PDE1C: variants seen among roughly 807,000 people sequenced by gnomAD.
The protein encoded by PDE1C is dual specificity calcium/calmodulin-dependent 3',5'-cyclic nucleotide phosphodiesterase 1C.
Under a neutral mutation model 93.1 loss-of-function variants are expected in PDE1C, and 62 were observed. The observed-to-expected ratio is 0.67, with a 90% CI of 0.54 to 0.82. The LOEUF (loss-of-function observed/expected upper bound fraction) is 0.82. Ranked by LOEUF, PDE1C falls within the 40% of genes least tolerant of loss-of-function variation. The probability of loss-of-function intolerance (pLI) is 0.00; values close to 1 mark genes in which losing one functional copy is unlikely to be tolerated. For missense variants in PDE1C, 742 were observed against 884.6 expected (o/e 0.84, Z 2.04); for synonymous variants, 325 against 310.1 (o/e 1.05, Z -0.50).
chr7:32,016,087 T>A (rs1787868796), intron 2 of PDE1C, among the ~76,000 whole-genome samples: 1 of 152,170 alleles, frequency 6.6e-6, no homozygotes, highest in Non-Finnish European at 1.5e-5. Context: ...GCTCCTTAAT[T>A]TGTATATAGT....
intron 2 of PDE1C, among the ~76,000 whole-genome samples, chr7:31,965,636 A>C (rs1272508720): frequency 2.0e-5 from 3 of 152,176 alleles, no homozygotes; most frequent in Non-Finnish European, 2.9e-5. Context: ...CGAGAAGAGC[A>C]ATTCCAAGAC....
intron 1 of PDE1C, among the ~76,000 whole-genome samples, chr7:32,349,821 G>A (rs1413391726): frequency 3.3e-5 from 5 of 152,078 alleles, no homozygotes; most frequent in Non-Finnish European, 7.4e-5. Context: ...GTAGAGACAG[G>A]GTTTCACCCA....
At chr7:32,394,568 G>A (rs962541217) in intron 1 of PDE1C, among the ~76,000 whole-genome samples, 4 of 152,224 alleles carry the variant, frequency 2.6e-5, no homozygotes, top group Non-Finnish European at 5.9e-5. Flanking sequence ...AGCACTTTGG[G>A]AGGCTGATGC....
At chr7:31,986,878 G>T (rs1783467582) in intron 2 of PDE1C, among the ~76,000 whole-genome samples, 1 of 151,810 alleles carries the variant, frequency 6.6e-6, no homozygotes, top group South Asian at 2.1e-4. Flanking sequence ...AGAGGGGAAG[G>T]TTTTTAGCTG....
intron 1 of PDE1C, among the ~76,000 whole-genome samples, chr7:32,328,658 C>A (rs1783451459): frequency 6.6e-6 from 1 of 152,200 alleles, no homozygotes; most frequent in Non-Finnish European, 1.5e-5. Flanking sequence ...CACTCCACCC[C>A]TTGCTTGCCT....
intron 2 of PDE1C, among the ~76,000 whole-genome samples, chr7:32,208,714 C>A (rs931303535): frequency 6.6e-6 from 1 of 151,762 alleles, no homozygotes; most frequent in Admixed American, 6.6e-5. Context: ...TAGTATTTTC[C>A]CCCCCCTTCT....
the PDE1C span, among the ~76,000 whole-genome samples, chr7:31,718,084 T>C: frequency 1.3e-5 from 2 of 152,102 alleles, no homozygotes; most frequent in African/African-American, 2.4e-5. Context: ...TTCTGGAGAA[T>C]ATTAATACAG....
chr7:31,661,679 CT>C, the PDE1C span, among the ~76,000 whole-genome samples: 1 of 152,204 alleles, frequency 6.6e-6, no homozygotes, highest in African/African-American at 2.4e-5. Context: ...CACCATTGCA[CT>C]CTAGCCTGGG....
intron 1 of PDE1C, among the ~76,000 whole-genome samples, chr7:32,336,700 C>A (rs1313212125): frequency 6.6e-6 from 1 of 152,184 alleles, no homozygotes; most frequent in African/African-American, 2.4e-5. Context: ...TTAAAATAGT[C>A]TTTAGCTTTT....
chr7:32,194,399 T>A (rs1259282699), intron 2 of PDE1C, among the ~76,000 whole-genome samples: 1 of 152,254 alleles, frequency 6.6e-6, no homozygotes, highest in Non-Finnish European at 1.5e-5. Flanking sequence ...TCTGTTGATG[T>A]CTCCAATTAT....
At chr7:32,328,391 A>G (rs1562675984) in intron 1 of PDE1C, among the ~76,000 whole-genome samples, 1 of 152,182 alleles carries the variant, frequency 6.6e-6, no homozygotes, top group Non-Finnish European at 1.5e-5. Flanking sequence ...CCCTTCTTAA[A>G]ACATTGTGAT....
Position 31,998,151 on chromosome 7 carries a change from C to G in PDE1C, c.128+53403G>C, listed in dbSNP as rs56728106. On this transcript the variant is annotated intron_variant, in intron 2 of 17. Coordinates refer to ENST00000396191, the MANE Select transcript of PDE1C (RefSeq NM_001191057.4). ...TCTCCTGTCTCAGCCTCCCGAGTAG[C>G]TGGGACTACAGGTGCCTGCCACTAT... Among the ~76,000 whole-genome samples, 345 of 152,162 alleles carry G rather than the reference C, an allele frequency of 2.3e-3. 3 individuals are homozygous for G. The highest frequency in any genetic ancestry group is 7.7e-3 in the African/African-American group (318 of 41,492).
intron 3 of PDE1C, among the ~76,000 whole-genome samples, chr7:32,086,924 C>T (rs1307730462): frequency 1.3e-5 from 2 of 150,958 alleles, no homozygotes; most frequent in Admixed American, 6.6e-5. Flanking sequence ...TAGCCATTAC[C>T]ATTCAGGACA....
chr7:31,701,813 A>T, the PDE1C span, among the ~76,000 whole-genome samples: 5 of 152,232 alleles, frequency 3.3e-5, no homozygotes, highest in African/African-American at 9.6e-5. Flanking sequence ...TTTAGCAATA[A>T]AGTATTTTTA....
chr7:31,928,178 G>T (rs1244772950), intron 2 of PDE1C, among the ~76,000 whole-genome samples: 1 of 151,906 alleles, frequency 6.6e-6, no homozygotes. Flanking sequence ...TCAAGCGGAA[G>T]AAAGGATATC....
At chr7:32,404,490 A>C (rs1022847035) in intron 1 of PDE1C, among the ~76,000 whole-genome samples, 1 of 36,582 alleles carries the variant, frequency 2.7e-5, no homozygotes, top group Non-Finnish European at 2.4e-4. Context: ...GGTAGCTGGG[A>C]CCACAGGTGC....
chr7:32,287,645 T>C (rs901683983), intron 1 of PDE1C, among the ~76,000 whole-genome samples: 3 of 152,200 alleles, frequency 2.0e-5, no homozygotes, highest in Admixed American at 6.5e-5. Flanking sequence ...TTACGACCCA[T>C]GCGCAGGCAG....
intron 1 of PDE1C, among the ~76,000 whole-genome samples, chr7:32,346,706 C>G (rs997976011): frequency 6.6e-6 from 1 of 152,172 alleles, no homozygotes; most frequent in African/African-American, 2.4e-5. Flanking sequence ...TTGCACTTGG[C>G]CTGCAAATTA....
chr7:31,873,056 C>T (rs1796133533), intron 6 of PDE1C, among the ~76,000 whole-genome samples: 1 of 152,038 alleles, frequency 6.6e-6, no homozygotes, highest in African/African-American at 2.4e-5. Context: ...CCAGGAAGAC[C>T]AGAATCTAAA....
Sources: gnomAD v4.1 joint callset for allele counts (sites outside exome capture counted in the v4.1 genomes callset) on GRCh38, gnomAD v4.1.1 for gene constraint, MANE v1.5 for transcripts, NCBI Gene and HGNC (gene_info 2026-07-23, HGNC 2026-07-21) for gene names.